The following ARID4B variants were observed in gnomAD, a reference collection of about 807,000 sequenced individuals.
ARID4B encodes the protein AT-rich interaction domain 4B.
ARID4B carries 26 observed loss-of-function variants against 147.5 expected under a neutral mutation model. The observed-to-expected ratio is 0.18, with a 90% confidence interval of 0.13 to 0.24. The LOEUF is 0.24. ARID4B is among the 10% of genes least tolerant of loss of function. ARID4B has a pLI of 1.00. For missense variants in ARID4B, 1,179 were observed against 1,511.5 expected (o/e 0.78, Z 3.65); for synonymous variants, 512 against 507.9 (o/e 1.01, Z -0.11).
At chr1:235,257,861 G>T (rs1009187802) in intron 3 of ARID4B, among the ~76,000 whole-genome samples, 1 of 152,124 alleles carries the variant, frequency 6.6e-6, no homozygotes. Flanking sequence ...GAGAAAGAAA[G>T]ATATGGGGAT....
chr1:235,184,897 A>G (rs1571917995), intron 19 of ARID4B, among the ~76,000 whole-genome samples: 1 of 151,902 alleles, frequency 6.6e-6, no homozygotes, highest in Non-Finnish European at 1.5e-5. Context: ...GTTCACTGCA[A>G]CCTCCTCTTC....
intron 2 of ARID4B, among the ~76,000 whole-genome samples, chr1:235,268,843 G>C (rs1670783464): frequency 6.6e-6 from 1 of 152,152 alleles, no homozygotes; most frequent in Non-Finnish European, 1.5e-5. Flanking sequence ...TTGATTTCAA[G>C]GTTGGACAGA....
At chr1:235,183,935 C>T (rs1056802541) in intron 19 of ARID4B, among the ~76,000 whole-genome samples, 1 of 152,078 alleles carries the variant, frequency 6.6e-6, no homozygotes, top group African/African-American at 2.4e-5. Context: ...AGGTGTGCCA[C>T]ATCCAGTGAA....
At chr1:235,255,248 T>A (rs1216745112) in intron 5 of ARID4B, among the ~76,000 whole-genome samples, 5 of 118,512 alleles carry the variant, frequency 4.2e-5, no homozygotes, top group Non-Finnish European at 9.0e-5. Context: ...GATAGATAGA[T>A]AGATAGATAG....
intron 17 of ARID4B, among the ~76,000 whole-genome samples, chr1:235,198,242 G>A (rs1019038195): frequency 6.6e-6 from 1 of 152,076 alleles, no homozygotes; most frequent in African/African-American, 2.4e-5. Context: ...TACCAGACAT[G>A]TTTTACTATC....
chr1:235,240,749 A>G (rs1225179685), intron 7 of ARID4B, among the ~76,000 whole-genome samples: 2 of 152,194 alleles, frequency 1.3e-5, no homozygotes, highest in Non-Finnish European at 2.9e-5. Flanking sequence ...TGAAGGCCCC[A>G]TATTAAACAT....
At chr1:235,211,685 C>T (rs1490276691) in intron 17 of ARID4B, among the ~76,000 whole-genome samples, 2 of 152,080 alleles carry the variant, frequency 1.3e-5, no homozygotes, top group Non-Finnish European at 2.9e-5. Context: ...TTCAAGTGAT[C>T]CTCCCACCTC....
intron 7 of ARID4B, among the ~76,000 whole-genome samples, chr1:235,241,468 C>T (rs1386086081): frequency 1.3e-5 from 2 of 152,054 alleles, no homozygotes; most frequent in African/African-American, 4.8e-5. Flanking sequence ...GACAAAGTAA[C>T]CGTCATGCCT....
intron 2 of ARID4B, among the ~76,000 whole-genome samples, chr1:235,301,064 AG>A (rs201244964): frequency 2.5e-5 from 2 of 81,370 alleles, no homozygotes; most frequent in Non-Finnish European, 4.5e-5. Flanking sequence ...TTTTTTTTTT[AG>A]TATACAGACA....
intron 16 of ARID4B, among the ~76,000 whole-genome samples, chr1:235,217,811 A>C (rs556176840): frequency 6.6e-6 from 1 of 152,256 alleles, no homozygotes; most frequent in African/African-American, 2.4e-5. Context: ...TTCCACTGCA[A>C]TTATCTAATA....
rs1663778883 is a variant in ARID4B at position 235,175,245 on chromosome 1, A to T, written c.3603T>A (p.Asp1201Glu). The change falls in exon 22 of 24, where the codon GAT becomes GAA. Residue 1201 changes from aspartate to glutamate, a missense_variant. Transcript: ENST00000264183. ...PGKCGKNGDK[D>E]PDLKEPSNRL... Reference sequence around the variant, plus strand: ...GATTACTGGGTTCCTTGAGATCAGGATCCTTATCACCATTCTTTCCACATT... The same window carrying T: ...GATTACTGGGTTCCTTGAGATCAGGTTCCTTATCACCATTCTTTCCACATT... 2 of 1,614,046 alleles carry T rather than the reference A, an allele frequency of 1.2e-6. No individual in the cohort carries two copies. The highest frequency in any genetic ancestry group is 1.7e-6 in the Non-Finnish European group (2 of 1,180,040).
intron 2 of ARID4B, among the ~76,000 whole-genome samples, chr1:235,297,831 C>T (rs1253552079): frequency 1.3e-5 from 2 of 152,158 alleles, no homozygotes; most frequent in African/African-American, 4.8e-5. Flanking sequence ...GGTTAAATAA[C>T]AGTTTCTTCA....
At position 235,171,515 on chromosome 1, in the gene ARID4B, T is replaced by G. The variant is rs577281084; in HGVS notation, c.3811+1103A>C. Among the ~76,000 whole-genome samples the G allele has an allele frequency of 2.6e-5, 4 of 152,230 alleles. No homozygotes were observed. The South Asian group carries it at 6.2e-4, about 24-fold the overall frequency. Reference sequence around the variant, plus strand: ...ATTTTCCTATGGATTTTTCTTAAAATAGTATTTAGGAACCGACTTTTAATG... The same window carrying G: ...ATTTTCCTATGGATTTTTCTTAAAAGAGTATTTAGGAACCGACTTTTAATG... On this transcript the variant is annotated intron_variant, in intron 23 of 23. Transcript: ENST00000264183.
chr1:235,244,281 C>T (rs184855561), intron 7 of ARID4B, among the ~76,000 whole-genome samples: 8 of 152,214 alleles, frequency 5.3e-5, no homozygotes, highest in Non-Finnish European at 1.0e-4. Flanking sequence ...GACTGCTTTC[C>T]TATTGTAGCA....
intron 2 of ARID4B, among the ~76,000 whole-genome samples, chr1:235,301,534 C>CTTTTTTT (rs567369149): frequency 1.0e-5 from 1 of 99,818 alleles, no homozygotes; most frequent in Non-Finnish European, 1.9e-5. Flanking sequence ...GACCCTATTT[C>CTTTTTTT]TTTTTTTTTT....
intron 2 of ARID4B, among the ~76,000 whole-genome samples, chr1:235,272,784 G>T (rs1021438806): frequency 2.0e-5 from 3 of 151,300 alleles, no homozygotes; most frequent in Admixed American, 6.6e-5. Context: ...AAAATCACAT[G>T]TAATAAGCAC....
At chr1:235,270,917 T>C (rs1670940718) in intron 2 of ARID4B, among the ~76,000 whole-genome samples, 1 of 152,150 alleles carries the variant, frequency 6.6e-6, no homozygotes, top group Non-Finnish European at 1.5e-5. Context: ...AAACAGAAAC[T>C]GGCATTGTTA....
intron 2 of ARID4B, among the ~76,000 whole-genome samples, chr1:235,269,264 C>A (rs1385262163): frequency 6.6e-6 from 1 of 152,168 alleles, no homozygotes; most frequent in Non-Finnish European, 1.5e-5. Flanking sequence ...AGAGAATCAG[C>A]GTTTGGCAAC....
rs979406548 is a variant in ARID4B, at chr1:235,189,102, A to T, written c.2125+4911T>A. Among the ~76,000 whole-genome samples, 6 of 152,300 alleles carry T rather than the reference A, an allele frequency of 3.9e-5. No homozygotes were observed. In the East Asian group the frequency reaches 7.7e-4, roughly 20 times the overall value. Reference sequence around the variant, plus strand: ...TTGAAAAATTAAACTAGTTTAATTTAAAAATATTCATTGAAAGGCTGGGCG... The same window carrying T: ...TTGAAAAATTAAACTAGTTTAATTTTAAAATATTCATTGAAAGGCTGGGCG... On this transcript the variant is annotated intron_variant, in intron 19 of 23. Coordinates refer to ENST00000264183, the MANE Select transcript of ARID4B (RefSeq NM_016374.6).
Sources: allele counts gnomAD v4.1 joint callset (sites outside exome capture counted in the v4.1 genomes callset), GRCh38; gene constraint gnomAD v4.1.1; transcripts MANE v1.5; gene names NCBI Gene and HGNC (gene_info 2026-07-23, HGNC 2026-07-21).